Variants in CCNB3 observed in about 807,000 individuals in gnomAD.
CCNB3 encodes the protein cyclin B3, also known as G2/mitotic-specific cyclin-B3.
CCNB3 carries 12 observed loss-of-function variants against 68.0 expected under a neutral mutation model. The ratio of observed to expected loss-of-function variants is 0.18; its 90% CI spans 0.11 to 0.29. The LOEUF is 0.29. Among genes scored for constraint, CCNB3 ranks in the 10% least tolerant of loss-of-function variants. CCNB3 has a pLI of 1.00. For synonymous variants in CCNB3, 354 were observed against 388.9 expected, an observed-to-expected ratio of 0.91 and a Z score of 1.06; for missense variants, 904 against 993.1, an observed-to-expected ratio of 0.91 and a Z score of 1.21.
chrX:50,227,648 G>T (rs1935910362), intron 1 of CCNB3, among the ~76,000 whole-genome samples: 1 of 89,206 alleles, frequency 1.1e-5, no homozygotes, highest in Non-Finnish European at 2.1e-5. Flanking sequence ...TATATAGAGA[G>T]AATATATATA....
chrX:50,341,324 C>T (rs1923119485), intron 8 of CCNB3, among the ~76,000 whole-genome samples: 3 of 75,187 alleles, frequency 4.0e-5, no homozygotes, highest in African/African-American at 8.6e-5. Flanking sequence ...AGCGAAACTC[C>T]GTCTCAATAA....
rs782791648 is a variant in CCNB3, at chrX:50,351,333, C to T, written c.4053C>T (p.Tyr1351=). 8 of 1,210,531 alleles carry T rather than the reference C, an allele frequency of 6.6e-6. No homozygotes were observed. The highest frequency in any genetic ancestry group is 8.9e-6 in the Non-Finnish European group (8 of 894,539). ...ACAAACTGCTGACTTTCAGTTCTTA[C>T]GATAGTCTCAAGGCTGTGTATTACA... ...QLNKLLTFSS[Y]DSLKAVYYKY... The change falls in exon 12 of 13, where the codon TAC becomes TAT. Residue 1351 remains tyrosine (Y), a synonymous_variant. Coordinates refer to ENST00000376042, the MANE Select transcript of CCNB3 (RefSeq NM_033031.3).
chrX:50,350,365 C>G (rs781869460), intron 11 of CCNB3, among the ~76,000 whole-genome samples: 2 of 111,950 alleles, frequency 1.8e-5, no homozygotes, highest in East Asian at 5.6e-4. Flanking sequence ...AATTAACTGG[C>G]TCAAGGCCAA....
At chrX:50,314,589 A>G (rs1921631045) in intron 8 of CCNB3, among the ~76,000 whole-genome samples, 1 of 111,761 alleles carries the variant, frequency 8.9e-6, no homozygotes, top group Non-Finnish European at 1.9e-5. Context: ...AAAAGACAAT[A>G]TAGTTTTATA....
intron 9 of CCNB3, among the ~76,000 whole-genome samples, chrX:50,343,869 A>G (rs1160400956): frequency 8.9e-6 from 1 of 112,311 alleles, no homozygotes; most frequent in African/African-American, 3.2e-5. Context: ...TTTATTATCG[A>G]AGAAAAAATA....
chrX:50,286,038 C>T (rs1167125462), intron 3 of CCNB3, among the ~76,000 whole-genome samples: 1 of 111,836 alleles, frequency 8.9e-6, no homozygotes, highest in Non-Finnish European at 1.9e-5. Context: ...TTTTCCAAAA[C>T]CAACTTTCTT....
intron 1 of CCNB3, among the ~76,000 whole-genome samples, chrX:50,209,669 T>C (rs1935451617): frequency 8.9e-6 from 1 of 112,427 alleles, no homozygotes; most frequent in East Asian, 2.8e-4. Context: ...TACTATATTG[T>C]TAACTATAGG....
chrX:50,216,813 T>C (rs1480789619), intron 1 of CCNB3, among the ~76,000 whole-genome samples: 1 of 111,008 alleles, frequency 9.0e-6, no homozygotes, highest in Non-Finnish European at 1.9e-5. Context: ...TGAGTGTCTC[T>C]CTTCACATGG....
chrX:50,280,309 T>G (rs963380600), intron 1 of CCNB3, among the ~76,000 whole-genome samples: 3 of 101,803 alleles, frequency 2.9e-5, no homozygotes, highest in African/African-American at 1.1e-4. Context: ...TAAATATATA[T>G]ATAGAATATA....
Position 50,347,662 on chromosome X carries a change from C to G in CCNB3, c.3847C>G (p.Arg1283Gly). The change falls in exon 11 of 13, where the codon CGC (arginine) becomes GGC (glycine). Residue 1283 changes from arginine to glycine, a missense_variant. By Grantham distance (125) the Arg-to-Gly change is moderately radical. Around this residue, in one of 2 missense-constraint regions of CCNB3, gnomAD observed 285 missense variants for 383.4 expected, o/e 0.74. Coordinates refer to ENST00000376042, the MANE Select transcript of CCNB3 (RefSeq NM_033031.3). The part of the protein sequence containing the change: ...HTNMKTLTLS[R>G]YICEMTLQEY... ...CAACATGAAGACACTGACCTTGTCC[C>G]GCTACATCTGCGAGATGACCCTGCA... 8.3e-7 allele frequency: 1 copy of G among 1,210,247 alleles called. No homozygotes were observed. Among genetic ancestry groups the G allele is most frequent in the South Asian group, 1.8e-5 (1 of 56,832 alleles).
At chrX:50,343,734 T>C (rs1213152410) in intron 9 of CCNB3, among the ~76,000 whole-genome samples, 3 of 112,209 alleles carry the variant, frequency 2.7e-5, no homozygotes, top group Non-Finnish European at 3.8e-5. Context: ...AGAAGAAAGC[T>C]TATTTAATAA....
chrX:50,283,568 T>C (rs1936179981), intron 1 of CCNB3, among the ~76,000 whole-genome samples: 1 of 111,484 alleles, frequency 9.0e-6, no homozygotes, highest in Non-Finnish European at 1.9e-5. Context: ...TTTCTTAAAC[T>C]TTCCCCTCAA....
At position 50,313,650 on chromosome X, in the gene CCNB3, A is replaced by G. The variant is rs960399864; in HGVS notation, c.3424-206A>G. 3.6e-5 allele frequency among the ~76,000 whole-genome samples: 4 copies of G among 111,795 alleles called. No homozygotes were observed. In the Admixed American group the frequency reaches 3.8e-4, roughly 11 times the overall value. On this transcript the variant is annotated intron_variant, in intron 7 of 12. Coordinates refer to ENST00000376042, the MANE Select transcript of CCNB3 (RefSeq NM_033031.3). ...CCCTTATTTCCCCCTGGATTCTTCAATATCCACTCTGACACTTGAATATCA... is the reference window on the plus strand; with the variant it reads ...CCCTTATTTCCCCCTGGATTCTTCAGTATCCACTCTGACACTTGAATATCA...
chrX:50,313,792 T>G, intron 7 of CCNB3, 64 bp from the exon 8 acceptor site: 1 of 827,208 alleles, frequency 1.2e-6, no homozygotes, highest in Non-Finnish European at 1.8e-6. Flanking sequence ...AGTTAATTGT[T>G]AAGTTACAAT....
At chrX:50,284,922 G>A (rs771226264) in intron 2 of CCNB3, among the ~76,000 whole-genome samples, 1 of 111,566 alleles carries the variant, frequency 9.0e-6, no homozygotes, top group South Asian at 3.8e-4. Context: ...TTTTACAGAT[G>A]AGGTAACTGA....
At chrX:50,332,129 A>C (rs781867703) in intron 8 of CCNB3, among the ~76,000 whole-genome samples, 1 of 111,912 alleles carries the variant, frequency 8.9e-6, no homozygotes, top group Non-Finnish European at 1.9e-5. Flanking sequence ...ATGACAGCAC[A>C]GGCATCAAAT....
At chrX:50,326,896 G>T (rs1323758382) in intron 8 of CCNB3, among the ~76,000 whole-genome samples, 1 of 111,814 alleles carries the variant, frequency 8.9e-6, no homozygotes, top group Admixed American at 9.5e-5. Flanking sequence ...TTTGAGTTTT[G>T]GAATTTGAGG....
intron 1 of CCNB3, among the ~76,000 whole-genome samples, chrX:50,227,996 A>G (rs1342918570): frequency 5.0e-4 from 44 of 87,399 alleles, no homozygotes; most frequent in African/African-American, 1.7e-3. Context: ...ATAAATATAT[A>G]TAGAGAATAT....
intron 8 of CCNB3, among the ~76,000 whole-genome samples, chrX:50,328,085 C>T (rs1424329102): frequency 1.8e-5 from 2 of 111,794 alleles, no homozygotes; most frequent in African/African-American, 6.5e-5. Context: ...TTTACTAGAA[C>T]CTCCAGAAAG....
Sources: allele counts gnomAD v4.1 joint callset (sites outside exome capture counted in the v4.1 genomes callset), GRCh38; gene constraint gnomAD v4.1.1; regional missense constraint gnomAD v4.1.1; transcripts MANE v1.5; gene names NCBI Gene and HGNC (gene_info 2026-07-23, HGNC 2026-07-21).